MDM1: variants seen among roughly 807,000 people sequenced by gnomAD.
The protein encoded by MDM1 is Mdm1 nuclear protein.
MDM1 carries 61 observed loss-of-function variants against 89.1 expected under a neutral mutation model. That is an observed-to-expected ratio of 0.68 (90% CI 0.56 to 0.85). The LOEUF is 0.85. Among genes scored for constraint, MDM1 ranks in the 40% least tolerant of loss-of-function variants. The probability of loss-of-function intolerance (pLI) is 0.00; values close to 1 mark genes in which losing one functional copy is unlikely to be tolerated. For missense variants in MDM1, 820 were observed against 846.5 expected (o/e 0.97, Z 0.39); for synonymous variants, 290 against 294.1 (o/e 0.99, Z 0.14).
rs555685551 is a variant in MDM1 at position 68,332,290 on chromosome 12, G to C, written c.-45C>G. ...CCCGCTACTCCGACAGTTAACTGGA[G>C]AAAAAGCTCCGAGGGGGCGGGGCGA... is the stretch of plus-strand genomic sequence containing the variant. On this transcript the variant is annotated 5_prime_UTR_variant, in exon 1 of 15. Transcript: ENST00000682720. 11 of 1,565,026 alleles carry C rather than the reference G, an allele frequency of 7.0e-6. No individual in the cohort carries two copies. The South Asian group carries it at 8.2e-5, about 12-fold the overall frequency.
intron 4 of MDM1, 164 bp from the exon 5 acceptor site, chr12:68,323,404 A>T (rs1250076214): frequency 3.7e-6 from 2 of 545,468 alleles, no homozygotes; most frequent in Non-Finnish European, 6.3e-6. Flanking sequence ...TCCAAAGGTC[A>T]ACTTTATGTA....
At chr12:68,323,346 A>T in intron 4 of MDM1, 106 bp from the exon 5 acceptor site, 1 of 751,840 alleles carries the variant, frequency 1.3e-6, no homozygotes. Context: ...ACAAAAAAAT[A>T]GCAAAGTTAT....
rs888055333 is a variant in MDM1, at chr12:68,315,135, C to T, written c.1342G>A (p.Val448Ile). The T allele has an allele frequency of 5.0e-6, 8 of 1,614,154 alleles. No homozygotes were observed. The highest frequency in any genetic ancestry group is 1.3e-5 in the African/African-American group (1 of 75,022). ...KLGVSAPTIP[V>I]RRRLAWDTEN... ...GTATCCCAAGCCAGCCGCCTTCTAACGGGTATGGTGGGAGCTGACACACCC... is the reference window on the plus strand; with the variant it reads ...GTATCCCAAGCCAGCCGCCTTCTAATGGGTATGGTGGGAGCTGACACACCC... The change falls in exon 10 of 15, where the codon GTT (valine) becomes ATT (isoleucine). Residue 448 changes from valine (V) to isoleucine (I), a missense_variant. Transcript: ENST00000682720.
rs1448794722 is a variant in MDM1 at position 68,295,101 on chromosome 12, T to C, written c.*153A>G. On this transcript the variant is annotated 3_prime_UTR_variant, in exon 15 of 15. Transcript: ENST00000682720. The stretch of plus-strand genomic sequence containing the variant: ...TAAAAGTTAAATTTGTATAAGCCTA[T>C]GTTAACAATTTCCAAGTAAACTGTT... 1.9e-6 allele frequency: 1 copy of C among 516,496 alleles called. No homozygotes were observed. 32.0% of individuals were successfully genotyped at this position (516,496 alleles called of 1,614,324 possible).
chr12:68,297,967 A>C (rs1871633381), intron 13 of MDM1, among the ~76,000 whole-genome samples: 2 of 152,200 alleles, frequency 1.3e-5, no homozygotes, highest in South Asian at 2.1e-4. Context: ...GCCCCTCCAC[A>C]GCTTAACAAA....
At chr12:68,320,415 C>T (rs536323382) in intron 7 of MDM1, among the ~76,000 whole-genome samples, 3 of 152,232 alleles carry the variant, frequency 2.0e-5, no homozygotes, top group Admixed American at 6.5e-5. Flanking sequence ...AGAGTGGCCA[C>T]GGTGGAAGGA....
intron 12 of MDM1, 111 bp from the exon 13 acceptor site, chr12:68,302,983 T>C (rs376961633): frequency 8.5e-5 from 79 of 930,522 alleles, no homozygotes; most frequent in East Asian, 4.0e-4. Context: ...AGGAGAAATA[T>C]GAGAGAATTT....
chr12:68,323,673 A>T (rs1875554628), intron 4 of MDM1, among the ~76,000 whole-genome samples: 1 of 152,140 alleles, frequency 6.6e-6, no homozygotes, highest in African/African-American at 2.4e-5. Context: ...TATTTTATTA[A>T]GGCAAAGAAA....
chr12:68,330,803 G>A (rs1022411967), intron 2 of MDM1: 13 of 298,416 alleles, frequency 4.4e-5, no homozygotes, highest in African/African-American at 2.6e-4. Flanking sequence ...TTGTGTAAGG[G>A]CACTGGCTTT....
intron 8 of MDM1, 100 bp downstream of exon 8, chr12:68,316,481 C>T: frequency 9.6e-7 from 1 of 1,045,680 alleles, no homozygotes. Context: ...GGGAGAAATT[C>T]ATAGCAGCTA....
chr12:68,296,452 CAT>C (rs1871405614), intron 14 of MDM1, among the ~76,000 whole-genome samples: 1 of 152,206 alleles, frequency 6.6e-6, no homozygotes, highest in South Asian at 2.1e-4. Context: ...GAGCCGAGAT[CAT>C]GCCACTGCAC....
intron 13 of MDM1, among the ~76,000 whole-genome samples, chr12:68,300,382 G>C (rs1871978093): frequency 6.6e-6 from 1 of 152,068 alleles, no homozygotes; most frequent in African/African-American, 2.4e-5. Flanking sequence ...CCATTTAAAA[G>C]ATATGGAATG....
At chr12:68,316,483 T>TGGG in intron 8 of MDM1, 98 bp downstream of exon 8, 1 of 1,050,716 alleles carries the variant, frequency 9.5e-7, no homozygotes. Flanking sequence ...GAGAAATTCA[T>TGGG]AGCAGCTAAG....
Position 68,327,091 on chromosome 12 carries a change from C to A in MDM1, c.134-70G>T, listed in dbSNP as rs562811341. ...GTTACAAAGACAACTTTTAAGAACA[C>A]TTGTGGAGGAGAAATGAAATTTTAA... is the stretch of plus-strand genomic sequence containing the variant. On this transcript the variant is annotated intron_variant, in intron 2 of 14. Coordinates refer to ENST00000682720, the MANE Select transcript of MDM1 (RefSeq NM_001354969.2). 440 of 1,498,416 alleles carry A rather than the reference C, an allele frequency of 2.9e-4. No individual in the cohort carries two copies. The Middle Eastern group carries it at 3.2e-3, about 11-fold the overall frequency. The allele number at this position is 1,498,416 out of a possible 1,614,324, so 92.8% of individuals were successfully genotyped here. A position where few individuals can be genotyped will look rare whatever the true frequency, so the allele number is the denominator to read the frequency against.
Position 68,302,625 on chromosome 12 carries a change from T to A in MDM1, c.1997A>T (p.His666Leu), listed in dbSNP as rs770762511. The A allele has an allele frequency of 6.2e-7, 1 of 1,610,942 alleles. No individual in the cohort carries two copies. Among genetic ancestry groups the A allele is most frequent in the East Asian group, 2.2e-5 (1 of 44,862 alleles). The change falls in exon 13 of 15, where the codon CAC becomes CTC. Residue 666 changes from histidine to leucine, a missense_variant. By Grantham distance (99) the His-to-Leu change is moderately conservative. Transcript: ENST00000682720. ...ATTAAAACCAAAATAATTACCATTG[T>A]GCTGAAACTCTGGATCTCTAAGAGA... ...QGSLRDPEFQ[H>L]NVGKARMNNL...
chr12:68,297,289 A>T (rs909917831), intron 13 of MDM1, among the ~76,000 whole-genome samples: 2 of 152,250 alleles, frequency 1.3e-5, no homozygotes, highest in African/African-American at 4.8e-5. Flanking sequence ...AAAGAAATGT[A>T]GTAGGCTTCT....
chr12:68,321,887 G>A (rs1157000540), intron 5 of MDM1, among the ~76,000 whole-genome samples: 6 of 152,124 alleles, frequency 3.9e-5, no homozygotes, highest in African/African-American at 9.7e-5. Flanking sequence ...TTTGGCTAAG[G>A]AAGAAAATTT....
chr12:68,312,616 G>GA (rs1873845304), intron 12 of MDM1, among the ~76,000 whole-genome samples: 1 of 151,940 alleles, frequency 6.6e-6, no homozygotes. Context: ...AAAGACCTTG[G>GA]AAAAAAACTA....
intron 12 of MDM1, among the ~76,000 whole-genome samples, chr12:68,312,555 T>C (rs1450103539): frequency 6.6e-6 from 1 of 152,182 alleles, no homozygotes; most frequent in East Asian, 1.9e-4. Context: ...CCAACTGTTT[T>C]TATGCCCCAG....
Sources: allele counts gnomAD v4.1 joint callset (sites outside exome capture counted in the v4.1 genomes callset), GRCh38; gene constraint gnomAD v4.1.1; transcripts MANE v1.5; gene names NCBI Gene and HGNC (gene_info 2026-07-23, HGNC 2026-07-21).